BAALC: variants seen among roughly 807,000 people sequenced by gnomAD.
BAALC encodes the protein BAALC binder of MAP3K1 and KLF4, also known as brain and acute leukemia cytoplasmic protein.
In BAALC, 9 loss-of-function variants were observed where a neutral mutation model predicts 15.5. That is an observed-to-expected ratio of 0.58 (90% CI 0.35 to 1.02). BAALC has a LOEUF of 1.02. Ranked by LOEUF, BAALC falls within the 50% of genes least tolerant of loss-of-function variation. BAALC has a pLI of 0.02. For synonymous variants in BAALC, 80 were observed against 74.6 expected (o/e 1.07, Z -0.37); for missense variants, 201 against 192.4 (o/e 1.04, Z -0.27).
intron 1 of BAALC, among the ~76,000 whole-genome samples, chr8:103,155,341 G>A (rs948557397): frequency 2.6e-5 from 4 of 152,248 alleles, no homozygotes; most frequent in African/African-American, 9.6e-5. Flanking sequence ...AATTCAGTCA[G>A]CATCCCAGTT....
intron 1 of BAALC, among the ~76,000 whole-genome samples, chr8:103,186,770 A>G (rs1235213675): frequency 6.6e-6 from 1 of 152,192 alleles, no homozygotes; most frequent in Admixed American, 6.5e-5. Context: ...TCCTGTGGCT[A>G]TAAGTAAATG....
At chr8:103,167,041 A>G (rs1811365293) in intron 1 of BAALC, among the ~76,000 whole-genome samples, 1 of 152,200 alleles carries the variant, frequency 6.6e-6, no homozygotes, top group East Asian at 1.9e-4. Context: ...TCTTAAGTCC[A>G]CTATTATGAC....
At chr8:103,145,056 T>C (rs1236867914) in intron 1 of BAALC, among the ~76,000 whole-genome samples, 1 of 152,254 alleles carries the variant, frequency 6.6e-6, no homozygotes, top group Non-Finnish European at 1.5e-5. Flanking sequence ...TACTCCTAAA[T>C]ACTGCCTTCC....
At position 103,179,473 on chromosome 8, in the gene BAALC, T is replaced by G. The variant is rs531852177; in HGVS notation, c.161-33446T>G. Among the ~76,000 whole-genome samples the G allele has an allele frequency of 3.9e-5, 6 of 152,366 alleles. No individual in the cohort carries two copies. In the South Asian group the frequency reaches 1.2e-3, roughly 32 times the overall value. On this transcript the variant is annotated intron_variant, in intron 1 of 2. Transcript: ENST00000309982. ...CCATTTGGAGGGTCACTGTGCTGAA[T>G]AGAAGCACAATGTGCTCTATGCGGA...
Position 103,202,419 on chromosome 8 carries a change from A to C in BAALC, c.161-10500A>C, listed in dbSNP as rs114121490. Among the ~76,000 whole-genome samples the C allele has an allele frequency of 9.5e-3, 1,454 of 152,348 alleles. 18 individuals carry two copies. Among genetic ancestry groups the C allele is most frequent in the African/African-American group, 0.025 (1,019 of 41,586 alleles). ...TCTACAAGCCAAAGAGAGAGGTCTC[A>C]GGAGAAACCAACCTGTTGACACCTT... On this transcript the variant is annotated intron_variant, in intron 1 of 2. Coordinates refer to ENST00000309982, the MANE Select transcript of BAALC (RefSeq NM_024812.3).
At chr8:103,187,180 T>C (rs1811858861) in intron 1 of BAALC, among the ~76,000 whole-genome samples, 1 of 152,134 alleles carries the variant, frequency 6.6e-6, no homozygotes, top group Non-Finnish European at 1.5e-5. Flanking sequence ...TCCAGGCACA[T>C]TTATTTTTGT....
chr8:103,149,269 G>A (rs1006803260), intron 1 of BAALC, among the ~76,000 whole-genome samples: 11 of 152,084 alleles, frequency 7.2e-5, no homozygotes, highest in Non-Finnish European at 8.8e-5. Flanking sequence ...GCAGCTCTGC[G>A]GTGCTTACAC....
intron 1 of BAALC, among the ~76,000 whole-genome samples, chr8:103,212,269 A>C (rs943677127): frequency 6.6e-6 from 1 of 152,058 alleles, no homozygotes; most frequent in Non-Finnish European, 1.5e-5. Context: ...ACATAGTGAG[A>C]CCCTGTCTCT....
chr8:103,184,821 C>T (rs1811797287), intron 1 of BAALC, among the ~76,000 whole-genome samples: 1 of 152,232 alleles, frequency 6.6e-6, no homozygotes, highest in South Asian at 2.1e-4. Context: ...CAGCTGCTAA[C>T]GACCAGGATG....
intron 1 of BAALC, chr8:103,154,724 A>G (rs1213419978): frequency 6.5e-6 from 1 of 154,144 alleles, no homozygotes; most frequent in Non-Finnish European, 1.5e-5. Flanking sequence ...TGCTTCAGTT[A>G]TGTGTTCCCT....
chr8:103,210,426 A>C (rs992723923), intron 1 of BAALC, among the ~76,000 whole-genome samples: 5 of 152,280 alleles, frequency 3.3e-5, no homozygotes, highest in African/African-American at 1.2e-4. Flanking sequence ...ACACACAGAT[A>C]GGTGTCCTGT....
rs565919496 is a variant in BAALC at position 103,228,320 on chromosome 8, T to A, written c.*221T>A. 3.5e-3 allele frequency: 1,665 copies of A among 474,598 alleles called. 6 individuals carry two copies. The highest frequency in any genetic ancestry group is 4.4e-3 in the Non-Finnish European group (1,182 of 267,760). 29.4% of individuals were successfully genotyped at this position (474,598 alleles called of 1,614,324 possible). ...AATGTATTGGCACAGTGCTTACATATGTTAATAAACTGCAAATGTGCAGTT... is the reference window on the plus strand; with the variant it reads ...AATGTATTGGCACAGTGCTTACATAAGTTAATAAACTGCAAATGTGCAGTT... On this transcript the variant is annotated 3_prime_UTR_variant, in exon 3 of 3. Transcript: ENST00000309982.
intron 1 of BAALC, among the ~76,000 whole-genome samples, chr8:103,186,831 A>G (rs950232759): frequency 3.3e-5 from 5 of 152,176 alleles, no homozygotes; most frequent in African/African-American, 1.2e-4. Flanking sequence ...GAGCTATTTC[A>G]TATGGTTCAA....
intron 1 of BAALC, among the ~76,000 whole-genome samples, chr8:103,189,284 A>G (rs889631458): frequency 1.2e-4 from 19 of 152,264 alleles, no homozygotes; most frequent in African/African-American, 4.6e-4. Context: ...ATGTAATTTA[A>G]TAATTATAAT....
At chr8:103,216,742 C>G (rs561513002) in intron 2 of BAALC, among the ~76,000 whole-genome samples, 1 of 152,328 alleles carries the variant, frequency 6.6e-6, no homozygotes, top group African/African-American at 2.4e-5. Context: ...TACCAAAGTG[C>G]TAGGATTATA....
At chr8:103,148,884 C>T (rs1586371720) in intron 1 of BAALC, among the ~76,000 whole-genome samples, 1 of 152,176 alleles carries the variant, frequency 6.6e-6, no homozygotes, top group African/African-American at 2.4e-5. Flanking sequence ...GGATCTATTT[C>T]CTGGCTGTTT....
chr8:103,199,370 A>G (rs1454835081), intron 1 of BAALC, among the ~76,000 whole-genome samples: 1 of 152,230 alleles, frequency 6.6e-6, no homozygotes, highest in Non-Finnish European at 1.5e-5. Flanking sequence ...TATATTATTT[A>G]AATTTTGCAT....
chr8:103,194,470 A>G (rs1812046087), intron 1 of BAALC, among the ~76,000 whole-genome samples: 1 of 152,218 alleles, frequency 6.6e-6, no homozygotes. Context: ...ATTGTAACAA[A>G]TAAGAATCCT....
At position 103,213,380 on chromosome 8, in the gene BAALC, G is replaced by A. The variant is rs947801653; in HGVS notation, c.327+295G>A. The stretch of plus-strand genomic sequence containing the variant: ...TTGATGGTGAGGACTGTGCTGGTTA[G>A]AGGAACCAGTCTTAGGCCAGGCAGC... On this transcript the variant is annotated intron_variant, in intron 2 of 2. Coordinates refer to ENST00000309982, the MANE Select transcript of BAALC (RefSeq NM_024812.3). 4.0e-5 allele frequency: 10 copies of A among 252,072 alleles called. 1 individual carries two copies. The highest frequency in any genetic ancestry group is 2.2e-4 in the African/African-American group (10 of 45,876). The allele number at this position is 252,072 out of a possible 1,614,324, so 15.6% of individuals were successfully genotyped here.
Sources: gnomAD v4.1 joint callset for allele counts (sites outside exome capture counted in the v4.1 genomes callset) on GRCh38, gnomAD v4.1.1 for gene constraint, MANE v1.5 for transcripts, NCBI Gene and HGNC (gene_info 2026-07-23, HGNC 2026-07-21) for gene names.